Variants in ITPR2 observed in about 807,000 individuals in gnomAD.
The protein encoded by ITPR2 is inositol 1,4,5-trisphosphate-gated calcium channel ITPR2.
In ITPR2, 207 loss-of-function variants were observed where a neutral mutation model predicts 317.1. That is an observed-to-expected ratio of 0.65 (90% CI 0.58 to 0.73). The LOEUF (loss-of-function observed/expected upper bound fraction) is 0.73. Ranked by LOEUF, ITPR2 falls within the 30% of genes least tolerant of loss-of-function variation. The probability of loss-of-function intolerance (pLI) is 0.00; values close to 1 mark genes in which losing one functional copy is unlikely to be tolerated. For synonymous variants in ITPR2, 1,156 were observed against 1,149.1 expected (o/e 1.01, Z -0.12); for missense variants, 2,613 against 3,284.0 (o/e 0.80, Z 4.99).
intron 45 of ITPR2, among the ~76,000 whole-genome samples, chr12:26,456,869 T>C (rs1336866412): frequency 6.6e-6 from 1 of 152,164 alleles, no homozygotes; most frequent in Non-Finnish European, 1.5e-5. Flanking sequence ...AGACAGGGTT[T>C]CACCTTGTTG....
intron 47 of ITPR2, among the ~76,000 whole-genome samples, chr12:26,436,712 T>C (rs1941359989): frequency 6.6e-6 from 1 of 152,144 alleles, no homozygotes; most frequent in South Asian, 2.1e-4. Context: ...TACTTCATTG[T>C]ATAATTTGGT....
chr12:26,756,346 T>C (rs773626995), intron 2 of ITPR2, among the ~76,000 whole-genome samples: 1 of 152,190 alleles, frequency 6.6e-6, no homozygotes, highest in Non-Finnish European at 1.5e-5. Context: ...AATGTAAAAA[T>C]CTGGATCAGT....
chr12:26,507,497 C>T (rs1005638861), intron 37 of ITPR2, among the ~76,000 whole-genome samples: 7 of 152,188 alleles, frequency 4.6e-5, no homozygotes, highest in Middle Eastern at 6.8e-3. Flanking sequence ...AACTATAATC[C>T]GGGGCACTAA....
At chr12:26,629,986 A>C (rs1256620946) in intron 22 of ITPR2, among the ~76,000 whole-genome samples, 2 of 152,286 alleles carry the variant, frequency 1.3e-5, no homozygotes, top group East Asian at 3.9e-4. Context: ...ACGTGTGGTG[A>C]GGGCTGGAAC....
chr12:26,663,112 A>G (rs1325512293), intron 15 of ITPR2, among the ~76,000 whole-genome samples: 1 of 152,136 alleles, frequency 6.6e-6, no homozygotes, highest in African/African-American at 2.4e-5. Flanking sequence ...TCTAGCATCT[A>G]TCATTCTCAC....
chr12:26,660,835 A>C (rs553358318), intron 15 of ITPR2, among the ~76,000 whole-genome samples: 1 of 152,254 alleles, frequency 6.6e-6, no homozygotes, highest in South Asian at 2.1e-4. Flanking sequence ...AGTAATAAAT[A>C]GATCTTCAAT....
chr12:26,569,265 A>G lies in ITPR2; in HGVS notation c.4631-7313T>C, dbSNP rs926907964. ...AGTTCAAATGACAAATGGCAAGAAAAAAAATATGGTGGGCACGGTGGTTCA... is the reference window on the plus strand; with the variant it reads ...AGTTCAAATGACAAATGGCAAGAAAGAAAATATGGTGGGCACGGTGGTTCA... On this transcript the variant is annotated intron_variant, in intron 34 of 56. Transcript: ENST00000381340. 7.9e-5 allele frequency among the ~76,000 whole-genome samples: 12 copies of G among 152,168 alleles called. No homozygotes were observed. In the South Asian group the frequency reaches 1.2e-3, roughly 16 times the overall value.
chr12:26,357,883 G>A (rs1402420807), intron 55 of ITPR2, among the ~76,000 whole-genome samples: 1 of 152,264 alleles, frequency 6.6e-6, no homozygotes. Context: ...TGGCAAAGGT[G>A]AGGAAGCTGC....
At chr12:26,696,585 C>T (rs1403857958) in intron 9 of ITPR2, among the ~76,000 whole-genome samples, 1 of 152,004 alleles carries the variant, frequency 6.6e-6, no homozygotes, top group Admixed American at 6.6e-5. Flanking sequence ...CAAAAAAAAT[C>T]CCAATCTCAT....
At chr12:26,397,769 G>A (rs1317266055) in intron 54 of ITPR2, among the ~76,000 whole-genome samples, 1 of 152,174 alleles carries the variant, frequency 6.6e-6, no homozygotes, top group African/African-American at 2.4e-5. Flanking sequence ...GTTACATACA[G>A]TAACGTTGTA....
Position 26,577,405 on chromosome 12 carries a change from A to G in ITPR2, c.4630+1308T>C, listed in dbSNP as rs182155908. Reference sequence around the variant, plus strand: ...TCTGAGGAGAACTGGCATCTTTATCAGTTGAATTTTCCAATCAAGAAATTA... The same window carrying G: ...TCTGAGGAGAACTGGCATCTTTATCGGTTGAATTTTCCAATCAAGAAATTA... On this transcript the variant is annotated intron_variant, in intron 34 of 56. Coordinates refer to ENST00000381340, the MANE Select transcript of ITPR2 (RefSeq NM_002223.4). 3.7e-4 allele frequency among the ~76,000 whole-genome samples: 56 copies of G among 152,368 alleles called. No homozygotes were observed. The East Asian group carries it at 0.011, about 29-fold the overall frequency.
intron 2 of ITPR2, among the ~76,000 whole-genome samples, chr12:26,765,058 A>C (rs1949696044): frequency 6.6e-6 from 1 of 152,134 alleles, no homozygotes; most frequent in Non-Finnish European, 1.5e-5. Context: ...ATCTGTTGTC[A>C]GACAACAAGG....
intron 13 of ITPR2, among the ~76,000 whole-genome samples, chr12:26,672,142 G>A (rs895866316): frequency 6.6e-6 from 1 of 152,082 alleles, no homozygotes. Context: ...ACAGATCAAT[G>A]ACACAGAAAG....
intron 37 of ITPR2, among the ~76,000 whole-genome samples, chr12:26,528,789 A>C (rs1235860699): frequency 6.6e-6 from 1 of 152,216 alleles, no homozygotes; most frequent in African/African-American, 2.4e-5. Context: ...TAACTAATTC[A>C]GTTCTGTACT....
rs1327352508 is a variant in ITPR2 at position 26,671,199 on chromosome 12, C to T, written c.1410-5148G>A. 4.7e-4 allele frequency among the ~76,000 whole-genome samples: 72 copies of T among 152,170 alleles called. No individual in the cohort carries two copies. The East Asian group carries it at 5.4e-3, about 11-fold the overall frequency. Reference sequence around the variant, plus strand: ...ATTCAGATTCAGGAAATACAGAGAACGCCACAAAGATACTCCTCAAGAAGA... The same window carrying T: ...ATTCAGATTCAGGAAATACAGAGAATGCCACAAAGATACTCCTCAAGAAGA... On this transcript the variant is annotated intron_variant, in intron 13 of 56. Coordinates refer to ENST00000381340, the MANE Select transcript of ITPR2 (RefSeq NM_002223.4).
chr12:26,402,474 G>T (rs943806286), intron 52 of ITPR2, among the ~76,000 whole-genome samples: 1 of 152,176 alleles, frequency 6.6e-6, no homozygotes, highest in Non-Finnish European at 1.5e-5. Context: ...CGAGAATTTA[G>T]AAATAAGATT....
At chr12:26,712,021 T>C (rs1033860584) in intron 8 of ITPR2, among the ~76,000 whole-genome samples, 6 of 152,116 alleles carry the variant, frequency 3.9e-5, no homozygotes, top group African/African-American at 1.2e-4. Flanking sequence ...ATGAATGCAG[T>C]AGAAGCTCTG....
chr12:26,433,135 A>G (rs1941258480), intron 48 of ITPR2, among the ~76,000 whole-genome samples: 1 of 152,208 alleles, frequency 6.6e-6, no homozygotes, highest in South Asian at 2.1e-4. Context: ...TCATGGGGCT[A>G]TAATTAAATA....
At chr12:26,469,469 G>C (rs979164622) in intron 45 of ITPR2, among the ~76,000 whole-genome samples, 2 of 151,320 alleles carry the variant, frequency 1.3e-5, no homozygotes, top group Non-Finnish European at 2.9e-5. Flanking sequence ...TTTGATTTTT[G>C]ACTTAGATCT....
Sources: gnomAD v4.1 joint callset for allele counts (sites outside exome capture counted in the v4.1 genomes callset) on GRCh38, gnomAD v4.1.1 for gene constraint, MANE v1.5 for transcripts, NCBI Gene and HGNC (gene_info 2026-07-23, HGNC 2026-07-21) for gene names.